The following KSR1 variants were observed in gnomAD, a reference collection of about 807,000 sequenced individuals.
KSR1 encodes kinase suppressor of ras.
KSR1 carries 35 observed loss-of-function variants against 92.9 expected under a neutral mutation model. The observed-to-expected ratio is 0.38, with a 90% confidence interval of 0.29 to 0.50. The LOEUF (loss-of-function observed/expected upper bound fraction) is 0.50. Among genes scored for constraint, KSR1 ranks in the 20% least tolerant of loss-of-function variants. The pLI is 0.94. For synonymous variants in KSR1, 467 were observed against 472.6 expected, an observed-to-expected ratio of 0.99 and a Z score of 0.15; for missense variants, 972 against 1,158.5, an observed-to-expected ratio of 0.84 and a Z score of 2.34.
At chr17:27,601,475 C>A in intron 11 of KSR1, 74 bp downstream of exon 11, 2 of 1,289,758 alleles carry the variant, frequency 1.6e-6, no homozygotes, top group Non-Finnish European at 2.2e-6. Flanking sequence ...GGGCAGGGCG[C>A]CCTCTCTCTG....
At chr17:27,515,435 C>T (rs2069750121) in intron 1 of KSR1, among the ~76,000 whole-genome samples, 1 of 152,272 alleles carries the variant, frequency 6.6e-6, no homozygotes, top group East Asian at 1.9e-4. Flanking sequence ...TCTGTCGTTA[C>T]ACGCCGCATG....
At chr17:27,602,033 C>T (rs2073582556) in intron 11 of KSR1, 4 of 992,674 alleles carry the variant, frequency 4.0e-6, no homozygotes, top group Admixed American at 4.3e-5. Context: ...TTCATTCCTG[C>T]CCCTAAAGTG....
chr17:27,603,937 A>G, intron 12 of KSR1, 49 bp downstream of exon 12: 3 of 1,587,114 alleles, frequency 1.9e-6, no homozygotes, highest in Non-Finnish European at 2.6e-6. Context: ...GGAATTATTA[A>G]GGCTGGATCC....
At chr17:27,465,811 T>C (rs1234635154) in intron 1 of KSR1, among the ~76,000 whole-genome samples, 1 of 152,014 alleles carries the variant, frequency 6.6e-6, no homozygotes, top group Non-Finnish European at 1.5e-5. Context: ...AGTTTTGATA[T>C]GGATAAGGGA....
intron 9 of KSR1, among the ~76,000 whole-genome samples, chr17:27,593,283 G>T (rs1330403200): frequency 6.6e-6 from 1 of 152,244 alleles, no homozygotes; most frequent in Non-Finnish European, 1.5e-5. Flanking sequence ...CTTTGCACAG[G>T]TATGCCTGGC....
chr17:27,601,977 T>C, intron 11 of KSR1: 1 of 1,572,900 alleles, frequency 6.4e-7, no homozygotes, highest in Non-Finnish European at 8.7e-7. Context: ...ATACATTGAG[T>C]CCCTTCTGCA....
rs375161375 is a variant in KSR1, at chr17:27,601,341, C to T, written c.1469-19C>T. ...TTGGCCGTTCTGTGTGTGTGACTCA[C>T]CTCCTCTTCTGTTTAAAGCTGCCTA... On this transcript the variant is annotated intron_variant, in intron 10 of 20. Coordinates refer to ENST00000644974, the MANE Select transcript of KSR1 (RefSeq NM_001394583.1). 4.3e-6 allele frequency: 7 copies of T among 1,611,032 alleles called. No individual in the cohort carries two copies. In the African/African-American group the frequency reaches 8.0e-5, roughly 18 times the overall value.
At chr17:27,600,827 A>G (rs999635521) in intron 10 of KSR1, among the ~76,000 whole-genome samples, 5 of 152,320 alleles carry the variant, frequency 3.3e-5, no homozygotes, top group Admixed American at 3.3e-4. Flanking sequence ...CAACTCCCTA[A>G]GGTCCCAGAG....
rs886861114 is a variant in KSR1 at position 27,624,819 on chromosome 17, C to G, written c.*1427C>G. ...CCCACCCCTTCCAGTTAAGACCTGC[C>G]TAGCAGAGCCCCAGTCTCCAGCCCC... On this transcript the variant is annotated 3_prime_UTR_variant, in exon 21 of 21. Coordinates refer to ENST00000644974, the MANE Select transcript of KSR1 (RefSeq NM_001394583.1). The G allele has an allele frequency of 3.1e-4, 47 of 152,202 alleles. 1 individual carries two copies. The highest frequency in any genetic ancestry group is 1.2e-3 in the Admixed American group (19 of 15,274). The allele number at this position is 152,202 out of a possible 1,614,324, so 9.4% of individuals were successfully genotyped here.
At chr17:27,471,069 A>G (rs956465451) in intron 1 of KSR1, among the ~76,000 whole-genome samples, 8 of 152,036 alleles carry the variant, frequency 5.3e-5, no homozygotes, top group South Asian at 2.1e-4. Flanking sequence ...AGGTTTTGCC[A>G]TGTTGGCCAG....
At chr17:27,598,323 CCT>C (rs1441577773) in intron 10 of KSR1, among the ~76,000 whole-genome samples, 3 of 152,192 alleles carry the variant, frequency 2.0e-5, no homozygotes, top group Non-Finnish European at 4.4e-5. Context: ...AGGTCAGGCC[CCT>C]GTCTCTGGCC....
chr17:27,547,229 C>T (rs565662441), intron 1 of KSR1, among the ~76,000 whole-genome samples: 6 of 152,318 alleles, frequency 3.9e-5, no homozygotes, highest in Non-Finnish European at 4.4e-5. Context: ...ATTTCAAAAA[C>T]GCTGATGTGG....
At chr17:27,561,758 A>C (rs1275185266) in intron 2 of KSR1, among the ~76,000 whole-genome samples, 1 of 152,182 alleles carries the variant, frequency 6.6e-6, no homozygotes, top group Non-Finnish European at 1.5e-5. Context: ...CCCACTTTTC[A>C]GGGTGGGGGT....
intron 1 of KSR1, among the ~76,000 whole-genome samples, chr17:27,507,262 G>C (rs1392508052): frequency 6.6e-6 from 1 of 151,986 alleles, no homozygotes; most frequent in Non-Finnish European, 1.5e-5. Context: ...GTGAAACCCC[G>C]TCTCTACTAA....
At chr17:27,580,573 G>A (rs975126912) in intron 3 of KSR1, among the ~76,000 whole-genome samples, 3 of 152,112 alleles carry the variant, frequency 2.0e-5, no homozygotes, top group Non-Finnish European at 2.9e-5. Context: ...TGGGGAGCAC[G>A]GTGCTGAGAT....
At chr17:27,457,949 A>G (rs190032368) in intron 1 of KSR1, among the ~76,000 whole-genome samples, 2 of 118,070 alleles carry the variant, frequency 1.7e-5, no homozygotes, top group Non-Finnish European at 1.6e-5. Context: ...GCCAGCTGTC[A>G]TAAGGCCCTC....
chr17:27,476,455 G>A (rs1311420962), intron 1 of KSR1, among the ~76,000 whole-genome samples: 1 of 152,196 alleles, frequency 6.6e-6, no homozygotes, highest in Admixed American at 6.5e-5. Context: ...GGCGCTGCCG[G>A]TGAGCTGTGA....
Position 27,626,231 on chromosome 17 carries a change from G to T in KSR1, c.*2839G>T, listed in dbSNP as rs746871964. On this transcript the variant is annotated 3_prime_UTR_variant, in exon 21 of 21. Coordinates refer to ENST00000644974, the MANE Select transcript of KSR1 (RefSeq NM_001394583.1). ...CACAAGCCACACACTTGCTTTTTTT[G>T]AATGTGATGTAAAATTTGTACAGTA... The T allele has an allele frequency of 1.3e-5, 2 of 152,178 alleles. No individual in the cohort carries two copies. Among genetic ancestry groups the T allele is most frequent in the Non-Finnish European group, 2.9e-5 (2 of 68,038 alleles). 9.4% of individuals were successfully genotyped at this position (152,178 alleles called of 1,614,324 possible). A position where few individuals can be genotyped will look rare whatever the true frequency, so the allele number is the denominator to read the frequency against.
chr17:27,618,871 G>A lies in KSR1; in HGVS notation c.2627+1443G>A, dbSNP rs557744745. The stretch of plus-strand genomic sequence containing the variant: ...GAAAAACTTTCCAAAAAAAATTTTT[G>A]TATACATAGAGATGAGGTCTCACTA... On this transcript the variant is annotated intron_variant, in intron 19 of 20. Coordinates refer to ENST00000644974, the MANE Select transcript of KSR1 (RefSeq NM_001394583.1). Among the ~76,000 whole-genome samples the A allele has an allele frequency of 9.2e-5, 14 of 152,266 alleles. No homozygotes were observed. The South Asian group carries it at 2.9e-3, about 32-fold the overall frequency.
Sources: allele counts gnomAD v4.1 joint callset (sites outside exome capture counted in the v4.1 genomes callset), GRCh38; gene constraint gnomAD v4.1.1; transcripts MANE v1.5; gene names NCBI Gene and HGNC (gene_info 2026-07-23, HGNC 2026-07-21).